The following CAMKMT variants were observed in gnomAD, a reference collection of about 807,000 sequenced individuals.
CAMKMT encodes the protein calmodulin-lysine N-methyltransferase.
A neutral mutation model predicts 48.0 loss-of-function variants in CAMKMT; 53 were observed. That is an observed-to-expected ratio of 1.10 (90% confidence interval 0.89 to 1.39). The LOEUF is 1.39. CAMKMT is among the 40% of genes most tolerant of loss of function. CAMKMT has a pLI of 0.00. For synonymous variants in CAMKMT, 165 were observed against 152.3 expected (o/e 1.08, Z -0.61); for missense variants, 428 against 402.7 (o/e 1.06, Z -0.54).
chr2:44,476,980 C>T (rs989004026), intron 3 of CAMKMT, among the ~76,000 whole-genome samples: 1 of 152,116 alleles, frequency 6.6e-6, no homozygotes, highest in Non-Finnish European at 1.5e-5. Flanking sequence ...AGCTTTTATA[C>T]AGTCATATCA....
intron 3 of CAMKMT, among the ~76,000 whole-genome samples, chr2:44,528,215 C>G (rs1203636325): frequency 6.6e-6 from 1 of 151,844 alleles, no homozygotes. Context: ...CCCTTTCTTA[C>G]CACAAAGGGT....
At position 44,766,503 on chromosome 2, in the gene CAMKMT, GT is replaced by G; in HGVS notation, c.839del (p.Phe280SerfsTer20). The G allele has an allele frequency of 1.2e-6, 2 of 1,614,102 alleles. No homozygotes were observed. Among genetic ancestry groups the G allele is most frequent in the Non-Finnish European group, 1.7e-6 (2 of 1,180,018 alleles). On this transcript the variant is annotated frameshift_variant, in exon 10 of 11. Coordinates refer to ENST00000378494, the MANE Select transcript of CAMKMT (RefSeq NM_024766.5). LOFTEE classifies it high-confidence loss of function. The stretch of plus-strand genomic sequence containing the variant: ...TTTTGCAATCTAGCTGAAAAAGCTG[GT>G]TTCTGTATCCAAAGACATGAAAATT... ...NQFCNLAEKA[G>X]FCIQRHENYD...
chr2:44,379,013 C>T (rs1386079938), intron 2 of CAMKMT, among the ~76,000 whole-genome samples: 1 of 152,154 alleles, frequency 6.6e-6, no homozygotes, highest in African/African-American at 2.4e-5. Flanking sequence ...CACCACTATT[C>T]CAGAACTTTT....
chr2:44,674,247 A>G (rs1208054329), intron 3 of CAMKMT, among the ~76,000 whole-genome samples: 2 of 152,234 alleles, frequency 1.3e-5, no homozygotes, highest in Non-Finnish European at 2.9e-5. Flanking sequence ...TTGATAATCC[A>G]AAAGGGTATG....
intron 3 of CAMKMT, among the ~76,000 whole-genome samples, chr2:44,672,277 G>C (rs541926793): frequency 6.6e-6 from 1 of 152,336 alleles, no homozygotes; most frequent in Admixed American, 6.5e-5. Context: ...TACTCGGGAA[G>C]AGTGCATTCC....
intron 3 of CAMKMT, among the ~76,000 whole-genome samples, chr2:44,660,437 A>C (rs1232371733): frequency 6.6e-6 from 1 of 152,246 alleles, no homozygotes; most frequent in Non-Finnish European, 1.5e-5. Context: ...GCATATTGCA[A>C]CATAAGAAAT....
intron 2 of CAMKMT, among the ~76,000 whole-genome samples, chr2:44,389,962 C>A (rs1025497756): frequency 6.6e-6 from 1 of 152,078 alleles, no homozygotes; most frequent in Admixed American, 6.6e-5. Flanking sequence ...TTAAGAACTT[C>A]CCTTTACATA....
At chr2:44,603,608 A>G (rs1558737914) in intron 3 of CAMKMT, among the ~76,000 whole-genome samples, 1 of 152,214 alleles carries the variant, frequency 6.6e-6, no homozygotes, top group Non-Finnish European at 1.5e-5. Flanking sequence ...TTTTCATGCA[A>G]TAATAGTCAT....
In CAMKMT at chr2:44,657,393, T is replaced by G. The variant is rs1379260076; in HGVS notation, c.377-46890T>G. 6.6e-6 allele frequency among the ~76,000 whole-genome samples: 1 copy of G among 152,186 alleles called. No individual in the cohort carries two copies. Among genetic ancestry groups the G allele is most frequent in the Non-Finnish European group, 1.5e-5 (1 of 68,026 alleles). ...AAAGTCTTAGCATTGAGGATCCCCA[T>G]GAATATTGTGAACCTGAAGTTCAGA... is the stretch of plus-strand genomic sequence containing the variant. On this transcript the variant is annotated intron_variant, in intron 3 of 10. Coordinates refer to ENST00000378494, the MANE Select transcript of CAMKMT (RefSeq NM_024766.5). This position sits in a 1 kb window ranked among gnomAD's most constrained non-coding sequence, Gnocchi z 4.3.
intron 3 of CAMKMT, among the ~76,000 whole-genome samples, chr2:44,494,252 G>A (rs1362325479): frequency 6.6e-6 from 1 of 152,170 alleles, no homozygotes; most frequent in Non-Finnish European, 1.5e-5. Flanking sequence ...GGGAGGTACT[G>A]TATACAACAA....
At position 44,413,015 on chromosome 2, in the gene CAMKMT, G is replaced by A. The variant is rs371468554; in HGVS notation, c.376+22710G>A. ...GGCTTGAACCCGGGAAGCAGAGGTT[G>A]CAGGGAGCTGAGATTGTGCCACCAC... On this transcript the variant is annotated intron_variant, in intron 3 of 10. Coordinates refer to ENST00000378494, the MANE Select transcript of CAMKMT (RefSeq NM_024766.5). 2.1e-4 allele frequency among the ~76,000 whole-genome samples: 32 copies of A among 152,048 alleles called. 1 individual carries two copies. In the South Asian group the frequency reaches 6.6e-3, roughly 32 times the overall value.
chr2:44,383,082 A>G (rs1045322991), intron 2 of CAMKMT, among the ~76,000 whole-genome samples: 5 of 150,404 alleles, frequency 3.3e-5, no homozygotes. Context: ...TTCGGAGGCC[A>G]TTCCTCTGTG....
At chr2:44,742,595 C>A (rs1368582835) in intron 7 of CAMKMT, among the ~76,000 whole-genome samples, 1 of 152,120 alleles carries the variant, frequency 6.6e-6, no homozygotes, top group Non-Finnish European at 1.5e-5. Context: ...TGCTGCCCAG[C>A]GTGTGTAGGT....
intron 3 of CAMKMT, among the ~76,000 whole-genome samples, chr2:44,526,040 C>T (rs1671387023): frequency 6.6e-6 from 1 of 151,976 alleles, no homozygotes; most frequent in Admixed American, 6.6e-5. Flanking sequence ...ACATATACAC[C>T]ATGGAATACT....
intron 3 of CAMKMT, among the ~76,000 whole-genome samples, chr2:44,642,602 A>T (rs1673507507): frequency 6.6e-6 from 1 of 152,172 alleles, no homozygotes; most frequent in Non-Finnish European, 1.5e-5. Context: ...GTGTGACTTT[A>T]TGAGAAGTAT....
intron 3 of CAMKMT, among the ~76,000 whole-genome samples, chr2:44,671,807 G>C (rs1675344677): frequency 6.6e-6 from 1 of 152,056 alleles, no homozygotes; most frequent in South Asian, 2.1e-4. Flanking sequence ...AGAGGGCATT[G>C]TATTTTCATG....
chr2:44,592,406 C>T (rs1227360858), intron 3 of CAMKMT, among the ~76,000 whole-genome samples: 1 of 152,066 alleles, frequency 6.6e-6, no homozygotes, highest in Non-Finnish European at 1.5e-5. Context: ...TTTTTACCAT[C>T]TATAGAATCT....
chr2:44,553,698 C>G (rs1422977373), intron 3 of CAMKMT, among the ~76,000 whole-genome samples: 1 of 152,144 alleles, frequency 6.6e-6, no homozygotes, highest in Non-Finnish European at 1.5e-5. Flanking sequence ...TGCTCTGAGA[C>G]TGGCATTTCC....
chr2:44,636,983 A>G (rs886468399), intron 3 of CAMKMT, among the ~76,000 whole-genome samples: 17 of 152,350 alleles, frequency 1.1e-4, no homozygotes, highest in African/African-American at 4.1e-4. Context: ...TTCACTTGGC[A>G]GTAGATAGAA....
Sources: allele counts gnomAD v4.1 joint callset (sites outside exome capture counted in the v4.1 genomes callset), GRCh38; gene constraint gnomAD v4.1.1; non-coding constraint Gnocchi (gnomAD v3.1); transcripts MANE v1.5; gene names NCBI Gene and HGNC (gene_info 2026-07-23, HGNC 2026-07-21).